Variants in THSD4 observed in about 807,000 individuals in gnomAD.
THSD4 encodes thrombospondin type 1 domain containing 4, also known as thrombospondin type-1 domain-containing protein 4.
THSD4 carries 69 observed loss-of-function variants against 119.0 expected under a neutral mutation model. The observed-to-expected ratio is 0.58, with a 90% confidence interval of 0.48 to 0.71. The LOEUF (loss-of-function observed/expected upper bound fraction) is 0.71. Ranked by LOEUF, THSD4 falls within the 30% of genes least tolerant of loss-of-function variation. The probability of loss-of-function intolerance (pLI) is 0.00; values close to 1 mark genes in which losing one functional copy is unlikely to be tolerated. For missense variants in THSD4, 1,393 were observed against 1,391.1 expected, an observed-to-expected ratio of 1.00 and a Z score of -0.02; for synonymous variants, 524 against 540.4, an observed-to-expected ratio of 0.97 and a Z score of 0.42.
At chr15:71,472,824 A>C (rs997111096) in intron 7 of THSD4, among the ~76,000 whole-genome samples, 1 of 152,280 alleles carries the variant, frequency 6.6e-6, no homozygotes, top group Middle Eastern at 3.4e-3. Flanking sequence ...TAAACTTTGC[A>C]TTGTAAATTT....
intron 7 of THSD4, among the ~76,000 whole-genome samples, chr15:71,620,588 G>A (rs966258631): frequency 6.6e-6 from 1 of 152,128 alleles, no homozygotes; most frequent in Admixed American, 6.5e-5. Flanking sequence ...ACCAAGAGTA[G>A]CTCATTATTC....
chr15:71,558,736 G>C (rs1230145011), intron 7 of THSD4, among the ~76,000 whole-genome samples: 1 of 152,144 alleles, frequency 6.6e-6, no homozygotes, highest in African/African-American at 2.4e-5. Context: ...CTCCCAAAGT[G>C]CTGGGATTAC....
chr15:71,752,392 A>G (rs1007464453), intron 14 of THSD4, among the ~76,000 whole-genome samples: 1 of 152,260 alleles, frequency 6.6e-6, no homozygotes, highest in Non-Finnish European at 1.5e-5. Flanking sequence ...TAAATAGAGC[A>G]AAGAATGAGC....
chr15:71,526,550 C>G (rs143777193), intron 7 of THSD4, among the ~76,000 whole-genome samples: 1 of 152,120 alleles, frequency 6.6e-6, no homozygotes, highest in African/African-American at 2.4e-5. Context: ...AATAGTTGCA[C>G]TGGAATATTC....
At chr15:71,595,402 C>T (rs1165905319) in intron 7 of THSD4, among the ~76,000 whole-genome samples, 1 of 152,102 alleles carries the variant, frequency 6.6e-6, no homozygotes, top group Non-Finnish European at 1.5e-5. Flanking sequence ...CTCATGAGAT[C>T]TGATGGGTTT....
At chr15:71,202,136 T>G (rs2043808940) in intron 3 of THSD4, among the ~76,000 whole-genome samples, 2 of 152,196 alleles carry the variant, frequency 1.3e-5, no homozygotes, top group African/African-American at 4.8e-5. Flanking sequence ...AAGCCATCCC[T>G]GAAAGACTGA....
At chr15:71,733,460 C>G (rs2053021274) in intron 10 of THSD4, 1 of 152,146 alleles carries the variant, frequency 6.6e-6, no homozygotes, top group Non-Finnish European at 1.5e-5. Flanking sequence ...TAGCATAGAG[C>G]CCAGAACAAG....
chr15:71,276,402 T>C (rs2140309227), intron 6 of THSD4, among the ~76,000 whole-genome samples: 1 of 152,336 alleles, frequency 6.6e-6, no homozygotes, highest in Middle Eastern at 3.4e-3. Flanking sequence ...CTGTTTATTA[T>C]CCTGACTCTT....
At chr15:71,501,018 C>T (rs1165282433) in intron 7 of THSD4, among the ~76,000 whole-genome samples, 1 of 152,108 alleles carries the variant, frequency 6.6e-6, no homozygotes, top group Non-Finnish European at 1.5e-5. Context: ...CAAAGCCATA[C>T]CATTGGGATT....
At chr15:71,353,353 T>C (rs1374504020) in intron 6 of THSD4, among the ~76,000 whole-genome samples, 1 of 152,214 alleles carries the variant, frequency 6.6e-6, no homozygotes, top group Non-Finnish European at 1.5e-5. Context: ...GTCCACTTTT[T>C]ATTAGCAAAC....
intron 7 of THSD4, among the ~76,000 whole-genome samples, chr15:71,565,248 A>G (rs2049211536): frequency 6.6e-6 from 1 of 152,250 alleles, no homozygotes; most frequent in Non-Finnish European, 1.5e-5. Context: ...CAGGATGCTC[A>G]GCCTGCCAGG....
intron 7 of THSD4, among the ~76,000 whole-genome samples, chr15:71,645,050 C>T (rs572518878): frequency 4.6e-5 from 7 of 152,230 alleles, no homozygotes; most frequent in South Asian, 2.1e-4. Context: ...AAACACAAGT[C>T]GAACAGTGAT....
At chr15:71,370,429 A>G (rs1163413827) in intron 6 of THSD4, among the ~76,000 whole-genome samples, 1 of 152,100 alleles carries the variant, frequency 6.6e-6, no homozygotes, top group Non-Finnish European at 1.5e-5. Context: ...AGTGCTATAA[A>G]TTTCCCTCTA....
At chr15:71,189,587 G>GT (rs796363450) in intron 3 of THSD4, among the ~76,000 whole-genome samples, 2 of 151,904 alleles carry the variant, frequency 1.3e-5, no homozygotes, top group African/African-American at 4.8e-5. Context: ...GGAGAATGGC[G>GT]TGAACCCGGG....
intron 6 of THSD4, among the ~76,000 whole-genome samples, chr15:71,349,212 T>C (rs3759830): frequency 0.63 from 96,497 of 152,098 alleles, 31,373 homozygotes; most frequent in East Asian, 0.81. Context: ...AAGGCTACTC[T>C]GAGTTACAGG....
At chr15:71,445,055 G>A (rs967151765) in intron 7 of THSD4, among the ~76,000 whole-genome samples, 4 of 152,124 alleles carry the variant, frequency 2.6e-5, no homozygotes, top group Admixed American at 1.3e-4. Context: ...TCTCTGAATA[G>A]GCCATGCCTC....
chr15:71,155,927 G>A (rs548149000), intron 3 of THSD4, among the ~76,000 whole-genome samples: 1 of 152,098 alleles, frequency 6.6e-6, no homozygotes, highest in Non-Finnish European at 1.5e-5. Context: ...GTCCCCAAAG[G>A]CCAGCCTCCC....
intron 7 of THSD4, among the ~76,000 whole-genome samples, chr15:71,588,134 G>A (rs937714031): frequency 8.6e-5 from 13 of 151,530 alleles, no homozygotes; most frequent in East Asian, 5.9e-4. Flanking sequence ...GTGAAACCCC[G>A]TCTCTACTAA....
intron 6 of THSD4, among the ~76,000 whole-genome samples, chr15:71,278,498 G>A (rs974615690): frequency 1.3e-5 from 2 of 152,184 alleles, no homozygotes; most frequent in Non-Finnish European, 2.9e-5. Context: ...TAGCTCTGGA[G>A]CTGTTCAACA....
Sources: allele counts gnomAD v4.1 joint callset (sites outside exome capture counted in the v4.1 genomes callset), GRCh38; gene constraint gnomAD v4.1.1; transcripts MANE v1.5; gene names NCBI Gene and HGNC (gene_info 2026-07-23, HGNC 2026-07-21).